Variants in SPOCK1 observed in about 807,000 individuals in gnomAD.
SPOCK1 encodes SPARC (osteonectin), cwcv and kazal like domains proteoglycan 1, also known as testican-1.
Under a neutral mutation model 55.3 loss-of-function variants are expected in SPOCK1, and 23 were observed. The ratio of observed to expected loss-of-function variants is 0.42; its 90% confidence interval spans 0.30 to 0.59. The LOEUF (loss-of-function observed/expected upper bound fraction) is 0.59. SPOCK1 is among the 20% of genes least tolerant of loss of function. The pLI is 0.22. For missense variants in SPOCK1, 499 were observed against 552.5 expected, an observed-to-expected ratio of 0.90 and a Z score of 0.97; for synonymous variants, 226 against 221.0, an observed-to-expected ratio of 1.02 and a Z score of -0.20.
chr5:137,413,490 T>G (rs1261431649), intron 2 of SPOCK1, among the ~76,000 whole-genome samples: 2 of 151,580 alleles, frequency 1.3e-5, no homozygotes, highest in Admixed American at 1.3e-4. Flanking sequence ...GAATGGGATT[T>G]CTATTCACTT....
chr5:137,428,496 T>C (rs1236931667), intron 2 of SPOCK1, among the ~76,000 whole-genome samples: 1 of 152,212 alleles, frequency 6.6e-6, no homozygotes, highest in Admixed American at 6.5e-5. Context: ...CTGGACCTCA[T>C]GGAATCTAAC....
intron 3 of SPOCK1, among the ~76,000 whole-genome samples, chr5:137,186,814 C>G (rs183169518): frequency 3.0e-3 from 459 of 152,198 alleles, no homozygotes; most frequent in African/African-American, 0.011. Flanking sequence ...GCTTCCTCCC[C>G]TTGGCTTCCC....
intron 2 of SPOCK1, among the ~76,000 whole-genome samples, chr5:137,485,258 T>G (rs1321243040): frequency 6.6e-6 from 1 of 152,206 alleles, no homozygotes; most frequent in Non-Finnish European, 1.5e-5. Context: ...TCCCTAGCAC[T>G]TAAAACCAAC....
chr5:137,137,340 C>T (rs1197106552), intron 4 of SPOCK1, among the ~76,000 whole-genome samples: 1 of 152,214 alleles, frequency 6.6e-6, no homozygotes, highest in Non-Finnish European at 1.5e-5. Flanking sequence ...GAGTTGTCAA[C>T]ATGGTCTCCC....
chr5:137,489,671 GC>G (rs1401321379), intron 2 of SPOCK1, among the ~76,000 whole-genome samples: 1 of 152,204 alleles, frequency 6.6e-6, no homozygotes, highest in African/African-American at 2.4e-5. Context: ...TCATTCCCCT[GC>G]CCCCAAATGT....
At chr5:137,335,515 A>G (rs1750242323) in intron 2 of SPOCK1, among the ~76,000 whole-genome samples, 1 of 152,222 alleles carries the variant, frequency 6.6e-6, no homozygotes, top group African/African-American at 2.4e-5. Context: ...TTAGTAATGC[A>G]CCTATGAAAT....
intron 2 of SPOCK1, among the ~76,000 whole-genome samples, chr5:137,293,706 AGC>A (rs1228121956): frequency 2.6e-4 from 39 of 152,370 alleles, no homozygotes; most frequent in African/African-American, 9.1e-4. Flanking sequence ...GCTGTAGGGC[AGC>A]GCCATCCAAT....
intron 2 of SPOCK1, among the ~76,000 whole-genome samples, chr5:137,427,927 A>AAG (rs1752667818): frequency 6.6e-6 from 1 of 150,454 alleles, no homozygotes; most frequent in African/African-American, 2.4e-5. Context: ...AAAAAAAAAA[A>AAG]GGCAGAAACT....
chr5:137,289,978 C>T (rs951152674), intron 2 of SPOCK1, among the ~76,000 whole-genome samples: 1 of 152,152 alleles, frequency 6.6e-6, no homozygotes, highest in African/African-American at 2.4e-5. Context: ...GCAACTGGAA[C>T]TCCTGCACAC....
chr5:137,302,698 A>G (rs1757624571), intron 2 of SPOCK1, among the ~76,000 whole-genome samples: 1 of 152,210 alleles, frequency 6.6e-6, no homozygotes, highest in South Asian at 2.1e-4. Flanking sequence ...ATATATACAC[A>G]TACATATACG....
At chr5:137,176,667 G>C (rs1283517072) in intron 3 of SPOCK1, among the ~76,000 whole-genome samples, 1 of 152,136 alleles carries the variant, frequency 6.6e-6, no homozygotes, top group Non-Finnish European at 1.5e-5. Context: ...CATCAGAAAA[G>C]GCAACAACTC....
chr5:137,403,204 C>T (rs774413989), intron 2 of SPOCK1, among the ~76,000 whole-genome samples: 1 of 152,196 alleles, frequency 6.6e-6, no homozygotes, highest in South Asian at 2.1e-4. Context: ...GCTAGGATTC[C>T]GGCCCTCACA....
chr5:137,162,670 T>C lies in SPOCK1; in HGVS notation c.233-21976A>G, dbSNP rs1561632651. 3.3e-5 allele frequency among the ~76,000 whole-genome samples: 5 copies of C among 152,298 alleles called. 1 individual carries two copies. The South Asian group carries it at 1.0e-3, about 32-fold the overall frequency. ...CTTCCTCCCCTACAACAAAGAATTA[T>C]GTGGCCCAAATGTCTGTAGTTATAA... On this transcript the variant is annotated intron_variant, in intron 3 of 10. Transcript: ENST00000394945.
intron 3 of SPOCK1, among the ~76,000 whole-genome samples, chr5:137,168,146 G>A (rs1754684987): frequency 6.6e-6 from 1 of 152,032 alleles, no homozygotes; most frequent in Admixed American, 6.6e-5. Flanking sequence ...ACATGGCACT[G>A]AGAAAACTGG....
At chr5:137,172,857 C>G (rs1754779819) in intron 3 of SPOCK1, among the ~76,000 whole-genome samples, 1 of 152,122 alleles carries the variant, frequency 6.6e-6, no homozygotes. Context: ...TCCCTGCCTC[C>G]TGGAACCTAA....
chr5:137,313,121 A>C (rs1006092304), intron 2 of SPOCK1, among the ~76,000 whole-genome samples: 1 of 152,162 alleles, frequency 6.6e-6, no homozygotes, highest in African/African-American at 2.4e-5. Flanking sequence ...AGTTACCTGG[A>C]CCAAAATGTG....
At chr5:137,084,147 C>T (rs1251621607) in intron 5 of SPOCK1, among the ~76,000 whole-genome samples, 1 of 152,086 alleles carries the variant, frequency 6.6e-6, no homozygotes, top group Non-Finnish European at 1.5e-5. Context: ...ACCTCCACCC[C>T]ATGCAGACTC....
rs1229270405 is a variant in SPOCK1, at chr5:136,978,680, C to T, written c.1294G>A (p.Glu432Lys). 1.2e-6 allele frequency: 2 copies of T among 1,612,150 alleles called. No individual in the cohort carries two copies. The highest frequency in any genetic ancestry group is 2.7e-5 in the African/African-American group (2 of 74,838). The change falls in exon 11 of 11, where the codon GAG (glutamate) becomes AAG (lysine). Residue 432 changes from glutamate (E) to lysine (K), a missense_variant. This residue lies in a region of SPOCK1 where 83 missense variants were observed against 87.5 expected (regional missense o/e 0.95). Coordinates refer to ENST00000394945, the MANE Select transcript of SPOCK1 (RefSeq NM_004598.4). ...TACCATATGTACCCGACCTCATCCTCTTTGTCATCATCCTCATCCTCATCA... is the reference window on the plus strand; with the variant it reads ...TACCATATGTACCCGACCTCATCCTTTTTGTCATCATCCTCATCCTCATCA... ...EDDEDEDDDK[E>K]DEVGYIW
At chr5:137,258,267 A>C (rs1446975850) in intron 3 of SPOCK1, among the ~76,000 whole-genome samples, 1 of 152,266 alleles carries the variant, frequency 6.6e-6, no homozygotes, top group Non-Finnish European at 1.5e-5. Flanking sequence ...CTGAGACTGC[A>C]AAGCCCCAGG....
Sources: gnomAD v4.1 joint callset for allele counts (sites outside exome capture counted in the v4.1 genomes callset) on GRCh38, gnomAD v4.1.1 for gene constraint, gnomAD v4.1.1 regional missense constraint, MANE v1.5 for transcripts, NCBI Gene and HGNC (gene_info 2026-07-23, HGNC 2026-07-21) for gene names.